NPEPL1: variants seen among roughly 807,000 people sequenced by gnomAD.
NPEPL1 encodes probable aminopeptidase NPEPL1.
In NPEPL1, 45 loss-of-function variants were observed where a neutral mutation model predicts 52.4. The ratio of observed to expected loss-of-function variants is 0.86; its 90% CI spans 0.68 to 1.10. The LOEUF is 1.10. Among genes scored for constraint, NPEPL1 ranks in the 50% least tolerant of loss-of-function variants. The pLI is 0.00. For missense variants in NPEPL1, 696 were observed against 710.9 expected, an observed-to-expected ratio of 0.98 and a Z score of 0.24; for synonymous variants, 360 against 314.7, an observed-to-expected ratio of 1.14 and a Z score of -1.52.
At chr20:58,714,980 C>A in intron 11 of NPEPL1, 188 bp from the exon 12 acceptor site, 1 of 694,432 alleles carries the variant, frequency 1.4e-6, no homozygotes, top group Non-Finnish European at 2.3e-6. Context: ...TACGCCTGGC[C>A]TGCCAGCCCT....
intron 7 of NPEPL1, chr20:58,710,684 C>G (rs2084817845): frequency 6.6e-6 from 1 of 152,424 alleles, no homozygotes; most frequent in African/African-American, 2.4e-5. Flanking sequence ...CAGGTAACAC[C>G]CAGGAAGTGT....
chr20:58,689,841 A>G (rs376541658), upstream of NPEPL1, among the ~76,000 whole-genome samples: 2 of 150,206 alleles, frequency 1.3e-5, no homozygotes, highest in Non-Finnish European at 3.0e-5. Context: ...ACACACACAC[A>G]CGCTATTGCG....
intron 11 of NPEPL1, 133 bp downstream of exon 11, chr20:58,714,803 C>T: frequency 1.4e-6 from 1 of 708,040 alleles, no homozygotes; most frequent in Non-Finnish European, 2.4e-6. Context: ...GCCCGCTGTC[C>T]CCACCACCCC....
chr20:58,704,653 C>T (rs879555214), intron 6 of NPEPL1, among the ~76,000 whole-genome samples: 2 of 119,678 alleles, frequency 1.7e-5, no homozygotes, highest in East Asian at 2.1e-4. Context: ...AGGGACCTTG[C>T]GTCTGCTTCC....
intron 7 of NPEPL1, 89 bp downstream of exon 7, chr20:58,707,289 C>CTGGTGGGGCCTGTGG: frequency 1.7e-6 from 2 of 1,176,236 alleles, no homozygotes; most frequent in Non-Finnish European, 2.4e-6. Context: ...GCCACAGGCC[C>CTGGTGGGGCCTGTGG]CACCAGGGTC....
At chr20:58,706,005 A>AT (rs1417684829) in intron 6 of NPEPL1, among the ~76,000 whole-genome samples, 2 of 152,200 alleles carry the variant, frequency 1.3e-5, no homozygotes, top group Admixed American at 6.5e-5. Flanking sequence ...GTGTAATAAG[A>AT]TAAGGGTTCA....
chr20:58,712,421 TC>T, intron 7 of NPEPL1, 57 bp from the exon 8 acceptor site: 3 of 1,169,148 alleles, frequency 2.6e-6, no homozygotes, highest in Non-Finnish European at 2.6e-6. Context: ...CAGCTCGTCC[TC>T]CCCCCTCCCC....
intron 7 of NPEPL1, among the ~76,000 whole-genome samples, chr20:58,709,991 T>G (rs554576807): frequency 1.3e-5 from 2 of 151,438 alleles, no homozygotes; most frequent in Admixed American, 1.3e-4. Context: ...ATGCTGACAT[T>G]GGCAGAATCT....
At chr20:58,690,603 A>G (rs939903615), upstream of NPEPL1, among the ~76,000 whole-genome samples, 6 of 152,232 alleles carry the variant, frequency 3.9e-5, no homozygotes, top group African/African-American at 9.6e-5. Context: ...GATTTCTTCA[A>G]TTCGGGGGTG....
At chr20:58,696,821 A>T (rs2084502617) in intron 3 of NPEPL1, among the ~76,000 whole-genome samples, 1 of 152,212 alleles carries the variant, frequency 6.6e-6, no homozygotes, top group Non-Finnish European at 1.5e-5. Context: ...TTCTCACTAC[A>T]GCCCTGTGAG....
At position 58,696,610 on chromosome 20, in the gene NPEPL1, C is replaced by T. The variant is rs140456676; in HGVS notation, c.507+2018C>T. Among the ~76,000 whole-genome samples the T allele has an allele frequency of 3.1e-3, 465 of 152,358 alleles. 3 individuals carry two copies. Among genetic ancestry groups the T allele is most frequent in the Non-Finnish European group, 5.6e-3 (383 of 68,032 alleles). ...TTTCTTGTCTTTGCTCTGCCCAGTGCCGTGCCTTGAGGTGCTCTCCTGGGC... is the reference window on the plus strand; with the variant it reads ...TTTCTTGTCTTTGCTCTGCCCAGTGTCGTGCCTTGAGGTGCTCTCCTGGGC... On this transcript the variant is annotated intron_variant, in intron 3 of 11. Coordinates refer to ENST00000356091, the MANE Select transcript of NPEPL1 (RefSeq NM_024663.4).
In NPEPL1 at chr20:58,714,077, T is replaced by G; in HGVS notation, c.1286T>G (p.Met429Arg). 6.5e-7 allele frequency: 1 copy of G among 1,549,472 alleles called. No individual in the cohort carries two copies. The highest frequency in any genetic ancestry group is 1.2e-5 in the South Asian group (1 of 83,140). Residue 429 changes from methionine (M) to arginine (R), a missense_variant, in exon 10 of 12, where the codon ATG becomes AGG. By Grantham distance (91) the Met-to-Arg change is moderately conservative. Coordinates refer to ENST00000356091, the MANE Select transcript of NPEPL1 (RefSeq NM_024663.4). Reference protein sequence around the residue: ...FSEFTSAVADMKNSVADRDNS... With the variant: ...FSEFTSAVADRKNSVADRDNS... ...GAGTTCACCTCAGCTGTGGCGGACA[T>G]GAAGAACTCAGTGGCGGTAGGTTTG...
rs560202405 is a variant in NPEPL1, at chr20:58,713,307, C to T, written c.1002-113C>T. 2.4e-5 allele frequency: 33 copies of T among 1,375,998 alleles called. No individual in the cohort carries two copies. In the Admixed American group the frequency reaches 2.5e-4, roughly 10 times the overall value. The allele number at this position is 1,375,998 out of a possible 1,614,324, so 85.2% of individuals were successfully genotyped here. ...CCCATTCAGGGAACGTGTTGGGGTTCGGGGAGCCACAGGGATGGGCAGCTC... is the reference window on the plus strand; with the variant it reads ...CCCATTCAGGGAACGTGTTGGGGTTTGGGGAGCCACAGGGATGGGCAGCTC... On this transcript the variant is annotated intron_variant, in intron 8 of 11. Coordinates refer to ENST00000356091, the MANE Select transcript of NPEPL1 (RefSeq NM_024663.4). This position sits in a 1 kb window ranked among gnomAD's most constrained non-coding sequence, Gnocchi z 4.6.
intron 7 of NPEPL1, among the ~76,000 whole-genome samples, chr20:58,712,141 CGGCTGCT>C (rs1420528600): frequency 3.3e-5 from 5 of 152,102 alleles, no homozygotes; most frequent in Non-Finnish European, 5.9e-5. Flanking sequence ...TGAGGGGACG[CGGCTGCT>C]GGCCACCTTC....
In NPEPL1 at chr20:58,699,261, A is replaced by G. The variant is rs1265678353; in HGVS notation, c.662A>G (p.Lys221Arg). ...IPTIIRDEELKTRGFGGIYGV... is the reference protein window; with the variant it reads ...IPTIIRDEELRTRGFGGIYGV... Reference sequence around the variant, plus strand: ...ACCATCATCCGGGATGAGGAACTGAAGACGAGAGGATTTGGAGGTGGGTGG... The same window carrying G: ...ACCATCATCCGGGATGAGGAACTGAGGACGAGAGGATTTGGAGGTGGGTGG... The change falls in exon 5 of 12, where the codon AAG becomes AGG. Residue 221 changes from lysine to arginine, a missense_variant. Transcript: ENST00000356091. 1 of 1,606,902 alleles carries G rather than the reference A, an allele frequency of 6.2e-7. No individual in the cohort carries two copies. Among genetic ancestry groups the G allele is most frequent in the South Asian group, 1.1e-5 (1 of 89,438 alleles).
At chr20:58,709,080 G>A (rs11698363) in intron 7 of NPEPL1, among the ~76,000 whole-genome samples, 17,188 of 151,882 alleles carry the variant, frequency 0.11, 1,090 homozygotes, top group African/African-American at 0.14. Context: ...GGCAGCAGCC[G>A]TGAGTGTTCT....
rs1398559716 is a variant in NPEPL1 at position 58,714,035 on chromosome 20, C to G, written c.1244C>G (p.Pro415Arg). The G allele has an allele frequency of 6.5e-7, 1 of 1,539,404 alleles. No individual in the cohort carries two copies. The highest frequency in any genetic ancestry group is 2.1e-5 in the Admixed American group (1 of 47,344). The change falls in exon 10 of 12, where the codon CCC becomes CGC. Residue 415 changes from proline (P) to arginine (R), a missense_variant. By Grantham distance (103) the Pro-to-Arg change is moderately radical. Coordinates refer to ENST00000356091, the MANE Select transcript of NPEPL1 (RefSeq NM_024663.4). ...GDLVHPLVYC[P>R]ELHFSEFTSA... ...CTGGTGCACCCGCTGGTCTACTGCC[C>G]CGAGCTGCACTTCAGCGAGTTCACC...
chr20:58,713,625 C>A lies in NPEPL1; in HGVS notation c.1125+82C>A, dbSNP rs374792751. Reference sequence around the variant, plus strand: ...CTTGACCTCAAGGTGGGGAAGGCAGCGCGTGGGGGCTGCCGTCAGGAAGTT... The same window carrying A: ...CTTGACCTCAAGGTGGGGAAGGCAGAGCGTGGGGGCTGCCGTCAGGAAGTT... On this transcript the variant is annotated intron_variant, in intron 9 of 11. Transcript: ENST00000356091. This position sits in a 1 kb window ranked among gnomAD's most constrained non-coding sequence, Gnocchi z 4.6. 4.8e-6 allele frequency: 7 copies of A among 1,447,898 alleles called. No individual in the cohort carries two copies. The highest frequency in any genetic ancestry group is 2.5e-5 in the East Asian group (1 of 40,570). The allele number at this position is 1,447,898 out of a possible 1,614,324, so 89.7% of individuals were successfully genotyped here. A position where few individuals can be genotyped will look rare whatever the true frequency, so the allele number is the denominator to read the frequency against.
intron 7 of NPEPL1, among the ~76,000 whole-genome samples, chr20:58,710,588 C>A (rs948182317): frequency 1.3e-5 from 2 of 152,208 alleles, no homozygotes; most frequent in African/African-American, 4.8e-5. Flanking sequence ...CACTGGAGAC[C>A]CTTCCCACGC....
Sources: gnomAD v4.1 joint callset for allele counts (sites outside exome capture counted in the v4.1 genomes callset) on GRCh38, gnomAD v4.1.1 for gene constraint, Gnocchi (gnomAD v3.1) non-coding constraint, MANE v1.5 for transcripts, NCBI Gene and HGNC (gene_info 2026-07-23, HGNC 2026-07-21) for gene names.